The following TARS2 variants were observed in gnomAD, a reference collection of about 807,000 sequenced individuals.
TARS2 encodes the protein threonine--tRNA ligase, mitochondrial.
TARS2 carries 61 observed loss-of-function variants against 94.4 expected under a neutral mutation model. The observed-to-expected ratio is 0.65, with a 90% CI of 0.53 to 0.80. TARS2 has a LOEUF of 0.80. Among genes scored for constraint, TARS2 ranks in the 30% least tolerant of loss-of-function variants. TARS2 has a pLI of 0.00. For missense variants in TARS2, 704 were observed against 902.5 expected (o/e 0.78, Z 2.82); for synonymous variants, 359 against 353.4 (o/e 1.02, Z -0.18).
chr1:150,488,235 A>G, intron 2 of TARS2, 181 bp downstream of exon 2: 1 of 678,122 alleles, frequency 1.5e-6, no homozygotes, highest in Non-Finnish European at 2.4e-6. Context: ...GGGTCTCTCC[A>G]TGTTGCCCAG....
At chr1:150,497,280 G>A (rs1008510804) in intron 9 of TARS2, among the ~76,000 whole-genome samples, 3 of 151,694 alleles carry the variant, frequency 2.0e-5, no homozygotes, top group African/African-American at 2.4e-5. Context: ...GTGAGACTCC[G>A]TCTTGAAGAG....
chr1:150,497,428 C>A, intron 9 of TARS2, 102 bp from the exon 10 acceptor site: 1 of 1,067,414 alleles, frequency 9.4e-7, no homozygotes, highest in Non-Finnish European at 1.4e-6. Context: ...GTTGTGGTTG[C>A]AATCAGCATG....
intron 13 of TARS2, among the ~76,000 whole-genome samples, chr1:150,502,541 A>AC (rs1669974786): frequency 6.6e-6 from 1 of 151,962 alleles, no homozygotes; most frequent in Non-Finnish European, 1.5e-5. Context: ...ACCCGCTACC[A>AC]CACCAGCTAA....
intron 9 of TARS2, 24 bp downstream of exon 9, chr1:150,496,932 A>G (rs1669689950): frequency 1.2e-6 from 2 of 1,608,858 alleles, no homozygotes; most frequent in East Asian, 4.5e-5. Flanking sequence ...GGTCTAGAGG[A>G]AAGAAGACCA....
At chr1:150,494,620 T>A (rs141935877) in intron 7 of TARS2, among the ~76,000 whole-genome samples, 6,956 of 151,736 alleles carry the variant, frequency 0.046, 222 homozygotes, top group Non-Finnish European at 0.069. Context: ...GCACCTGTAG[T>A]CCCAGCTACT....
Position 150,504,669 on chromosome 1 carries a change from C to T in TARS2, c.1756C>T (p.Arg586Ter), listed in dbSNP as rs367870620. Residue 586 changes from arginine (R) to a stop codon, truncating the protein, a stop_gained, in exon 15 of 18, where the codon CGA becomes TGA. Coordinates refer to ENST00000369064, the MANE Select transcript of TARS2 (RefSeq NM_025150.5). LOFTEE classifies it high-confidence loss of function. ...CCTGGAGCGTCCAGTCCTCATTCAC[C>T]GAGCAGTGCTCGGTTCTGTGGAAAG... ...GALERPVLIH[R>*]AVLGSVERLL... 16 of 1,613,930 alleles carry T rather than the reference C, an allele frequency of 9.9e-6. No homozygotes were observed. The highest frequency in any genetic ancestry group is 6.7e-5 in the African/African-American group (5 of 74,890).
chr1:150,501,207 G>A (rs917397899), intron 13 of TARS2, among the ~76,000 whole-genome samples: 1 of 151,156 alleles, frequency 6.6e-6, no homozygotes, highest in Admixed American at 6.6e-5. Context: ...TAGGGAGGCT[G>A]AGCTGAGATG....
At chr1:150,502,385 A>ATT (rs745871348) in intron 13 of TARS2, among the ~76,000 whole-genome samples, 7 of 122,862 alleles carry the variant, frequency 5.7e-5, no homozygotes, top group African/African-American at 1.5e-4. Context: ...CGCCCAGCTA[A>ATT]TTTTTTTTTT....
rs761440018 is a variant in TARS2 at position 150,487,542 on chromosome 1, G to T, written c.66+26G>T. On this transcript the variant is annotated intron_variant, in intron 1 of 17. Transcript: ENST00000369064. ...GTGCGTGAGGCACCCCCAAAGCTCC[G>T]ATCCGCATCAGACTTAGCCCAGCCG... 3 of 1,614,142 alleles carry T rather than the reference G, an allele frequency of 1.9e-6. No individual in the cohort carries two copies. In the South Asian group the frequency reaches 3.3e-5, roughly 18 times the overall value.
At chr1:150,490,212 G>A (rs868681357) in intron 3 of TARS2, among the ~76,000 whole-genome samples, 3 of 128,816 alleles carry the variant, frequency 2.3e-5, no homozygotes, top group South Asian at 2.8e-4. Context: ...TCCACCTCCC[G>A]GGTTCAAGTG....
intron 13 of TARS2, among the ~76,000 whole-genome samples, chr1:150,502,454 C>T (rs919823323): frequency 8.7e-5 from 13 of 149,992 alleles, no homozygotes; most frequent in Non-Finnish European, 1.3e-4. Flanking sequence ...GGCACAATCT[C>T]GGCTCACCAC....
chr1:150,496,701 T>C (rs1414533914), intron 8 of TARS2, 73 bp downstream of exon 8: 2 of 1,598,526 alleles, frequency 1.3e-6, no homozygotes, highest in East Asian at 2.2e-5. Flanking sequence ...GATTATGAAA[T>C]TGGGAGCAGA....
rs1560261874 is a variant in TARS2, at chr1:150,507,040, C to T, written c.2133C>T (p.Val711=). Residue 711 remains valine, a synonymous_variant, in exon 18 of 18, where the codon GTC becomes GTT. Coordinates refer to ENST00000369064, the MANE Select transcript of TARS2 (RefSeq NM_025150.5). ...QRLVELQNTR[V]PNAEEIF ...TGGTGGAGCTACAGAACACGAGGGT[C>T]CCAAATGCCGAAGAAATTTTCTGAG... The T allele has an allele frequency of 6.2e-7, 1 of 1,613,984 alleles. No homozygotes were observed. Among genetic ancestry groups the T allele is most frequent in the Admixed American group, 1.7e-5 (1 of 59,992 alleles).
At chr1:150,501,049 C>G (rs1376932483) in intron 13 of TARS2, among the ~76,000 whole-genome samples, 2 of 151,972 alleles carry the variant, frequency 1.3e-5, no homozygotes, top group Non-Finnish European at 2.9e-5. Context: ...GAGGCTCTTC[C>G]CATCCCATGG....
chr1:150,491,335 T>C (rs1436276212), intron 4 of TARS2, 59 bp from the exon 5 acceptor site: 36 of 1,561,292 alleles, frequency 2.3e-5, no homozygotes, highest in Non-Finnish European at 3.0e-5. Flanking sequence ...AACAGGTGTG[T>C]CACCCAGGTG....
At position 150,496,568 on chromosome 1, in the gene TARS2, G is replaced by A. The variant is rs1252184513; in HGVS notation, c.861G>A (p.Leu287=). ...TTTCCTTCCCCACAACAGAATTGCT[G>A]AGGGTCTGGGAAGCATGGAGGGAGG... ...SGISFPTTEL[L]RVWEAWREEA... is the part of the protein sequence containing the mutation. The change falls in exon 8 of 18, where the codon CTG becomes CTA. Residue 287 remains leucine (L), a synonymous_variant. Transcript: ENST00000369064. The A allele has an allele frequency of 3.1e-6, 5 of 1,614,040 alleles. No individual in the cohort carries two copies. The highest frequency in any genetic ancestry group is 4.2e-6 in the Non-Finnish European group (5 of 1,180,044).
intron 13 of TARS2, 114 bp from the exon 14 acceptor site, chr1:150,504,221 G>T (rs911507383): frequency 3.3e-6 from 3 of 917,160 alleles, no homozygotes; most frequent in Non-Finnish European, 5.1e-6. Flanking sequence ...CATGATGAAG[G>T]TAGTAGCCCG....
At position 150,487,964 on chromosome 1, in the gene TARS2, C is replaced by T; in HGVS notation, c.173C>T (p.Pro58Leu). Reference protein sequence around the residue: ...KRLASMAQKEPRTIKISLPGG... With the variant: ...KRLASMAQKELRTIKISLPGG... The stretch of plus-strand genomic sequence containing the variant: ...TTAGCAAGCATGGCACAGAAGGAAC[C>T]CCGGACTATTAAGATATCACTTCCT... The change falls in exon 2 of 18, where the codon CCC (proline) becomes CTC (leucine). Residue 58 changes from proline (P) to leucine (L), a missense_variant. Physicochemically the swap from Pro to Leu is moderately conservative, Grantham distance 98 (BLOSUM62 -3). Transcript: ENST00000369064. 1.2e-6 allele frequency: 2 copies of T among 1,614,060 alleles called. No homozygotes were observed. Among genetic ancestry groups the T allele is most frequent in the East Asian group, 2.2e-5 (1 of 44,866 alleles).
intron 11 of TARS2, 55 bp downstream of exon 11, chr1:150,498,719 A>G (rs994999021): frequency 5.0e-6 from 8 of 1,611,576 alleles, no homozygotes; most frequent in South Asian, 3.3e-5. Context: ...CTTTCTCCCT[A>G]TGAACCTGCA....
Sources: allele counts gnomAD v4.1 joint callset (sites outside exome capture counted in the v4.1 genomes callset), GRCh38; gene constraint gnomAD v4.1.1; transcripts MANE v1.5; gene names NCBI Gene and HGNC (gene_info 2026-07-23, HGNC 2026-07-21).